DPYD: variants seen among roughly 807,000 people sequenced by gnomAD.
DPYD encodes dihydropyrimidine dehydrogenase.
A neutral mutation model predicts 116.2 loss-of-function variants in DPYD; 109 were observed. That is an observed-to-expected ratio of 0.94 (90% CI 0.80 to 1.10). The LOEUF (loss-of-function observed/expected upper bound fraction) is 1.10. Ranked by LOEUF, DPYD falls within the 50% of genes least tolerant of loss-of-function variation. DPYD has a pLI of 0.00. For missense variants in DPYD, 1,302 were observed against 1,254.5 expected (o/e 1.04, Z -0.57); for synonymous variants, 440 against 432.0 (o/e 1.02, Z -0.23).
chr1:97,607,454 C>T (rs1655670428), intron 8 of DPYD, among the ~76,000 whole-genome samples: 1 of 151,526 alleles, frequency 6.6e-6, no homozygotes, highest in Admixed American at 6.6e-5. Context: ...GAGTGTGGAA[C>T]AAAAATCTGA....
intron 13 of DPYD, among the ~76,000 whole-genome samples, chr1:97,457,495 G>C (rs1676750654): frequency 6.6e-6 from 1 of 152,038 alleles, no homozygotes; most frequent in African/African-American, 2.4e-5. Flanking sequence ...GGTTTGTTTT[G>C]TTTTTTGACC....
intron 2 of DPYD, among the ~76,000 whole-genome samples, chr1:97,853,766 G>C (rs1029409990): frequency 6.6e-6 from 1 of 152,214 alleles, no homozygotes; most frequent in Non-Finnish European, 1.5e-5. Flanking sequence ...CAAGTGACTT[G>C]TCTAAGATTG....
At chr1:97,351,269 C>A (rs1182274231) in intron 16 of DPYD, among the ~76,000 whole-genome samples, 4 of 152,064 alleles carry the variant, frequency 2.6e-5, no homozygotes, top group African/African-American at 9.7e-5. Context: ...GCTGACAGGG[C>A]AACTGACTTA....
chr1:97,703,313 T>C (rs1011735497), intron 5 of DPYD, among the ~76,000 whole-genome samples: 5 of 151,986 alleles, frequency 3.3e-5, no homozygotes, highest in African/African-American at 1.2e-4. Flanking sequence ...TGGGGTTGAG[T>C]CTTGACTTCC....
chr1:97,373,912 A>G (rs1461540471), intron 15 of DPYD, among the ~76,000 whole-genome samples: 1 of 152,166 alleles, frequency 6.6e-6, no homozygotes, highest in Non-Finnish European at 1.5e-5. Context: ...GTTACCTCTA[A>G]TTCTCATAAT....
intron 19 of DPYD, among the ~76,000 whole-genome samples, chr1:97,208,745 A>G (rs191349943): frequency 2.0e-4 from 31 of 152,262 alleles, no homozygotes; most frequent in Non-Finnish European, 4.3e-4. Context: ...TGTTGACTGA[A>G]GCAGCCTGAG....
intron 18 of DPYD, among the ~76,000 whole-genome samples, chr1:97,284,018 T>C (rs1389669631): frequency 6.6e-6 from 1 of 152,152 alleles, no homozygotes; most frequent in Non-Finnish European, 1.5e-5. Flanking sequence ...TATAATACCT[T>C]AAGCATCACC....
intron 3 of DPYD, among the ~76,000 whole-genome samples, chr1:97,748,093 A>G (rs1355950764): frequency 6.6e-6 from 1 of 152,186 alleles, no homozygotes; most frequent in Non-Finnish European, 1.5e-5. Flanking sequence ...CATTAAACAT[A>G]GTAGACATCT....
Position 97,682,755 on chromosome 1 carries a change from T to C in DPYD, c.763-3573A>G, listed in dbSNP as rs969518994. Reference sequence around the variant, plus strand: ...TTTTGTTTCTTTATTCCTTGTACTTTTACATATGTAATATTTCCATCTTGA... The same window carrying C: ...TTTTGTTTCTTTATTCCTTGTACTTCTACATATGTAATATTTCCATCTTGA... On this transcript the variant is annotated intron_variant, in intron 7 of 22. Transcript: ENST00000370192. 5.3e-5 allele frequency among the ~76,000 whole-genome samples: 8 copies of C among 152,224 alleles called. No individual in the cohort carries two copies. The East Asian group carries it at 1.5e-3, about 29-fold the overall frequency.
chr1:97,401,495 G>A (rs541254643), intron 14 of DPYD, among the ~76,000 whole-genome samples: 1 of 152,052 alleles, frequency 6.6e-6, no homozygotes, highest in Non-Finnish European at 1.5e-5. Context: ...TGTATTTTTA[G>A]TAGAGATGGG....
intron 20 of DPYD, among the ~76,000 whole-genome samples, chr1:97,133,389 C>T: frequency 6.6e-6 from 1 of 151,924 alleles, no homozygotes. Flanking sequence ...TAACTTTTTT[C>T]TCTAACTTAT....
chr1:97,331,306 C>T (rs1668984621), intron 16 of DPYD, among the ~76,000 whole-genome samples: 3 of 151,928 alleles, frequency 2.0e-5, no homozygotes, highest in Non-Finnish European at 4.4e-5. Context: ...CTCTTCTCTA[C>T]AGAAAAAGAG....
chr1:97,143,570 C>T (rs375458482), intron 20 of DPYD, among the ~76,000 whole-genome samples: 7 of 152,110 alleles, frequency 4.6e-5, no homozygotes, highest in African/African-American at 1.7e-4. Context: ...CTTCTACCTA[C>T]AGACTCAGTG....
intron 19 of DPYD, among the ~76,000 whole-genome samples, chr1:97,220,726 CT>C (rs758132033): frequency 6.6e-6 from 1 of 152,152 alleles, no homozygotes; most frequent in Non-Finnish European, 1.5e-5. Flanking sequence ...AATTATATCC[CT>C]CTATGGTTTT....
At chr1:97,114,231 C>T (rs1220829150) in intron 20 of DPYD, among the ~76,000 whole-genome samples, 1 of 152,102 alleles carries the variant, frequency 6.6e-6, no homozygotes, top group East Asian at 1.9e-4. Context: ...GTTCTTGAGT[C>T]GGGTTAAGTC....
intron 8 of DPYD, among the ~76,000 whole-genome samples, chr1:97,603,691 T>C (rs1655405465): frequency 6.6e-6 from 1 of 152,168 alleles, no homozygotes; most frequent in African/African-American, 2.4e-5. Flanking sequence ...TTTTTAAAAA[T>C]TGTACTTTTA....
intron 3 of DPYD, among the ~76,000 whole-genome samples, chr1:97,801,228 T>C (rs1667829522): frequency 6.6e-6 from 1 of 151,832 alleles, no homozygotes; most frequent in East Asian, 1.9e-4. Context: ...AAGAAGACAA[T>C]ACTCTGAAAG....
chr1:97,368,412 A>T (rs1386685476), intron 16 of DPYD, among the ~76,000 whole-genome samples: 2 of 152,174 alleles, frequency 1.3e-5, no homozygotes, highest in Admixed American at 1.3e-4. Flanking sequence ...CAACTCAAGG[A>T]AAAGAAGTAA....
chr1:97,438,973 C>A lies in DPYD; in HGVS notation c.1905+11086G>T, dbSNP rs547310046. On this transcript the variant is annotated intron_variant, in intron 14 of 22. Coordinates refer to ENST00000370192, the MANE Select transcript of DPYD (RefSeq NM_000110.4). ...TTATTTCACTTAGGAGGAAAGCATA[C>A]AGTCTTTCACTATTTAGTATGATAT... Among the ~76,000 whole-genome samples the A allele has an allele frequency of 5.3e-5, 8 of 152,192 alleles. No homozygotes were observed. In the South Asian group the frequency reaches 1.7e-3, roughly 32 times the overall value.
Sources: gnomAD v4.1 joint callset for allele counts (sites outside exome capture counted in the v4.1 genomes callset) on GRCh38, gnomAD v4.1.1 for gene constraint, MANE v1.5 for transcripts, NCBI Gene and HGNC (gene_info 2026-07-23, HGNC 2026-07-21) for gene names.